The following FAR2 variants were observed in gnomAD, a reference collection of about 807,000 sequenced individuals.
FAR2 encodes epididymis secretory protein Li 81.
FAR2 carries 19 observed loss-of-function variants against 56.0 expected under a neutral mutation model. That is an observed-to-expected ratio of 0.34 (90% CI 0.24 to 0.50). FAR2 has a LOEUF of 0.50. Among genes scored for constraint, FAR2 ranks in the 20% least tolerant of loss-of-function variants. The pLI is 0.98. For synonymous variants in FAR2, 219 were observed against 218.8 expected (o/e 1.00, Z -0.01); for missense variants, 508 against 642.2 (o/e 0.79, Z 2.26).
intron 1 of FAR2, among the ~76,000 whole-genome samples, chr12:29,242,229 G>A (rs570053026): frequency 5.6e-4 from 86 of 152,262 alleles, no homozygotes; most frequent in African/African-American, 1.9e-3. Flanking sequence ...CAAATAAGGT[G>A]TAGTAATGAA....
chr12:29,294,911 T>C (rs912118910), intron 3 of FAR2, among the ~76,000 whole-genome samples: 3 of 152,152 alleles, frequency 2.0e-5, no homozygotes, highest in Non-Finnish European at 4.4e-5. Flanking sequence ...TTGAACAATA[T>C]TTGTTAAATA....
chr12:29,194,841 C>T (rs764448211), intron 1 of FAR2, among the ~76,000 whole-genome samples: 5 of 152,118 alleles, frequency 3.3e-5, no homozygotes, highest in Non-Finnish European at 5.9e-5. Context: ...GAAAAGATGT[C>T]TGCAGTCAAA....
chr12:29,274,235 TTCCTGTG>T (rs1373982736), intron 2 of FAR2, among the ~76,000 whole-genome samples: 2 of 121,794 alleles, frequency 1.6e-5, no homozygotes, highest in African/African-American at 6.5e-5. Context: ...GATGTTCCCC[TTCCTGTG>T]TCCATGTGTT....
chr12:29,165,481 T>C (rs1301819808), intron 1 of FAR2, among the ~76,000 whole-genome samples: 1 of 152,152 alleles, frequency 6.6e-6, no homozygotes, highest in Non-Finnish European at 1.5e-5. Flanking sequence ...CATAAAAATA[T>C]AGTTATTATT....
chr12:29,216,165 A>G (rs1947619236), intron 1 of FAR2, among the ~76,000 whole-genome samples: 1 of 152,170 alleles, frequency 6.6e-6, no homozygotes, highest in South Asian at 2.1e-4. Context: ...AAATTAATTA[A>G]TCTAGAAACA....
chr12:29,199,761 G>GGTT (rs1465079138), intron 1 of FAR2, among the ~76,000 whole-genome samples: 1 of 152,098 alleles, frequency 6.6e-6, no homozygotes, highest in Non-Finnish European at 1.5e-5. Flanking sequence ...ACGTGAAAGA[G>GGTT]GTTGACTGAG....
At chr12:29,286,120 A>G (rs554183607) in intron 2 of FAR2, among the ~76,000 whole-genome samples, 1 of 152,098 alleles carries the variant, frequency 6.6e-6, no homozygotes, top group East Asian at 1.9e-4. Flanking sequence ...CTTTCTGATC[A>G]GCAGTTTTTG....
intron 1 of FAR2, among the ~76,000 whole-genome samples, chr12:29,253,205 AGGTATCTATATATC>A (rs1434536375): frequency 1.4e-5 from 2 of 142,726 alleles, no homozygotes; most frequent in African/African-American, 5.2e-5. Context: ...CTATCTAGAT[AGGTATCTATATATC>A]GATATCTATC....
rs531605617 is a variant in FAR2 at position 29,168,799 on chromosome 12, C to T, written c.-39+19392C>T. ...AGATTTACTGTGAAGAGCAAAAGAA[C>T]AAAACTTTCACAGCGTGGAAGGGGA... On this transcript the variant is annotated intron_variant, in intron 1 of 11. Transcript: ENST00000536681. Among the ~76,000 whole-genome samples the T allele has an allele frequency of 7.9e-5, 12 of 152,320 alleles. No homozygotes were observed. The South Asian group carries it at 2.1e-3, about 26-fold the overall frequency.
At chr12:29,300,189 A>G (rs1219756190) in intron 4 of FAR2, among the ~76,000 whole-genome samples, 1 of 152,214 alleles carries the variant, frequency 6.6e-6, no homozygotes, top group Non-Finnish European at 1.5e-5. Flanking sequence ...TAACAAGCTG[A>G]TATTTTGGGA....
chr12:29,250,611 G>T (rs902729504), intron 1 of FAR2, among the ~76,000 whole-genome samples: 49 of 152,138 alleles, frequency 3.2e-4, no homozygotes, highest in African/African-American at 1.2e-3. Flanking sequence ...GTAATGAACA[G>T]TTTAGGTGAA....
chr12:29,194,979 T>A (rs1174562508), intron 1 of FAR2, among the ~76,000 whole-genome samples: 1 of 152,186 alleles, frequency 6.6e-6, no homozygotes, highest in African/African-American at 2.4e-5. Flanking sequence ...CTATGAATGG[T>A]TAAGTCTAAG....
chr12:29,271,480 T>C (rs1948617584), intron 2 of FAR2, among the ~76,000 whole-genome samples: 1 of 152,184 alleles, frequency 6.6e-6, no homozygotes, highest in Admixed American at 6.5e-5. Context: ...CTTTGGAATA[T>C]AGGGGGTGAC....
At chr12:29,294,518 T>A (rs994572310) in intron 3 of FAR2, among the ~76,000 whole-genome samples, 141 of 152,244 alleles carry the variant, frequency 9.3e-4, no homozygotes, top group African/African-American at 3.2e-3. Context: ...CGGCTAATAT[T>A]TTTGTATTTT....
At position 29,332,643 on chromosome 12, in the gene FAR2, T is replaced by C. The variant is rs771150996; in HGVS notation, c.1301T>C (p.Ile434Thr). 6 of 1,613,664 alleles carry C rather than the reference T, an allele frequency of 3.7e-6. No individual in the cohort carries two copies. The highest frequency in any genetic ancestry group is 4.5e-5 in the East Asian group (2 of 44,876). The change falls in exon 11 of 12, where the codon ATT becomes ACT. Residue 434 changes from isoleucine (I) to threonine (T), a missense_variant. Coordinates refer to ENST00000536681, the MANE Select transcript of FAR2 (RefSeq NM_001271783.2). ...DVRQLNWLEY[I>T]ENYVLGVKKY... is the part of the protein sequence containing the mutation. ...CGCCAGTTGAACTGGTTGGAATACA[T>C]TGAAAATTATGTTTTGGGAGTTAAA...
chr12:29,197,601 A>G (rs4141943), intron 1 of FAR2, among the ~76,000 whole-genome samples: 122,654 of 152,118 alleles, frequency 0.81, 49,888 homozygotes, highest in East Asian at 0.91. Context: ...TACTATAGAG[A>G]AGGATACAAA....
intron 1 of FAR2, among the ~76,000 whole-genome samples, chr12:29,253,972 CTT>C (rs1948275421): frequency 6.6e-6 from 1 of 152,064 alleles, no homozygotes; most frequent in South Asian, 2.1e-4. Context: ...TTAAAAAAGA[CTT>C]ATTAATGTGC....
intron 1 of FAR2, among the ~76,000 whole-genome samples, chr12:29,226,048 C>G (rs1947764038): frequency 6.6e-6 from 1 of 152,186 alleles, no homozygotes. Flanking sequence ...TACTTAAGCT[C>G]TCTGCCCTGA....
intron 1 of FAR2, among the ~76,000 whole-genome samples, chr12:29,242,169 A>C (rs1250761357): frequency 6.6e-6 from 1 of 152,232 alleles, no homozygotes; most frequent in Non-Finnish European, 1.5e-5. Flanking sequence ...TATGTATTTG[A>C]GGCCTTTCCC....
Sources: allele counts gnomAD v4.1 joint callset (sites outside exome capture counted in the v4.1 genomes callset), GRCh38; gene constraint gnomAD v4.1.1; transcripts MANE v1.5; gene names NCBI Gene and HGNC (gene_info 2026-07-23, HGNC 2026-07-21).